FAM117B: variants seen among roughly 807,000 people sequenced by gnomAD.
FAM117B encodes family with sequence similarity 117 member B, also known as protein FAM117B.
In FAM117B, 22 loss-of-function variants were observed where a neutral mutation model predicts 52.8. The observed-to-expected ratio is 0.42, with a 90% CI of 0.30 to 0.59. The LOEUF (loss-of-function observed/expected upper bound fraction) is 0.59, where lower values mean the gene tolerates loss of function less well. Ranked by LOEUF, FAM117B falls within the 20% of genes least tolerant of loss-of-function variation. FAM117B has a pLI of 0.22. For synonymous variants in FAM117B, 309 were observed against 324.1 expected, an observed-to-expected ratio of 0.95 and a Z score of 0.50; for missense variants, 678 against 802.6, an observed-to-expected ratio of 0.84 and a Z score of 1.88.
intron 2 of FAM117B, among the ~76,000 whole-genome samples, chr2:202,718,590 G>T (rs1691098046): frequency 6.6e-6 from 1 of 152,114 alleles, no homozygotes; most frequent in African/African-American, 2.4e-5. Context: ...AAATTTTGTT[G>T]TTGGTTGGGT....
At chr2:202,660,240 T>C (rs1690109108) in intron 1 of FAM117B, among the ~76,000 whole-genome samples, 1 of 151,974 alleles carries the variant, frequency 6.6e-6, no homozygotes, top group Admixed American at 6.6e-5. Flanking sequence ...GTCTCCTGCT[T>C]GTTTGTACAT....
chr2:202,699,426 C>CAAAA (rs751190825), intron 2 of FAM117B, among the ~76,000 whole-genome samples: 118 of 17,482 alleles, frequency 6.7e-3, no homozygotes, highest in Non-Finnish European at 9.5e-3. Flanking sequence ...GACCCCATCT[C>CAAAA]AAAAAAAAAA....
intron 2 of FAM117B, among the ~76,000 whole-genome samples, chr2:202,717,983 C>T (rs1193410455): frequency 6.6e-6 from 1 of 151,900 alleles, no homozygotes; most frequent in Non-Finnish European, 1.5e-5. Flanking sequence ...GGTGAGCTGG[C>T]ACTCAGACCA....
At chr2:202,756,689 G>T (rs1052266682) in intron 5 of FAM117B, among the ~76,000 whole-genome samples, 1 of 151,764 alleles carries the variant, frequency 6.6e-6, no homozygotes, top group Non-Finnish European at 1.5e-5. Flanking sequence ...GCAGGGAGTT[G>T]GTTTCCTTGC....
At chr2:202,656,841 A>G (rs1663949281) in intron 1 of FAM117B, among the ~76,000 whole-genome samples, 1 of 152,108 alleles carries the variant, frequency 6.6e-6, no homozygotes, top group Non-Finnish European at 1.5e-5. Context: ...GTTGCTTCAT[A>G]TATTTTGAAG....
At chr2:202,705,971 C>A (rs1559106304) in intron 2 of FAM117B, among the ~76,000 whole-genome samples, 1 of 152,080 alleles carries the variant, frequency 6.6e-6, no homozygotes, top group Non-Finnish European at 1.5e-5. Flanking sequence ...CTTTTTGTGA[C>A]CCACGTGATT....
Position 202,733,265 on chromosome 2 carries a change from G to A in FAM117B, c.960+6902G>A, listed in dbSNP as rs145931543. The stretch of plus-strand genomic sequence containing the variant: ...CAAAGGGCAAAGCAAAGATCACAAG[G>A]CAAAGGGCAAACTTAGAATTACTGA... On this transcript the variant is annotated intron_variant, in intron 4 of 7. Transcript: ENST00000392238. Among the ~76,000 whole-genome samples the A allele has an allele frequency of 3.3e-3, 495 of 152,294 alleles. 2 individuals carry two copies. Among genetic ancestry groups the A allele is most frequent in the Non-Finnish European group, 5.0e-3 (343 of 68,020 alleles).
intron 1 of FAM117B, among the ~76,000 whole-genome samples, chr2:202,658,663 C>G (rs1214980998): frequency 1.3e-5 from 2 of 152,154 alleles, no homozygotes; most frequent in Non-Finnish European, 2.9e-5. Context: ...TATTGTTTTA[C>G]TCTTTTAGCT....
At chr2:202,740,930 C>G (rs1396264689) in intron 4 of FAM117B, among the ~76,000 whole-genome samples, 1 of 151,956 alleles carries the variant, frequency 6.6e-6, no homozygotes, top group Non-Finnish European at 1.5e-5. Flanking sequence ...ATAAGGAAAA[C>G]TTTCTTAATA....
intron 2 of FAM117B, among the ~76,000 whole-genome samples, chr2:202,714,539 T>TC (rs1453361108): frequency 1.7e-4 from 25 of 146,124 alleles, no homozygotes; most frequent in Non-Finnish European, 3.3e-4. Context: ...TTTTCTTTTT[T>TC]TTTTTTTTTT....
At chr2:202,763,548 A>T (rs1175855862) in intron 7 of FAM117B, among the ~76,000 whole-genome samples, 1 of 152,190 alleles carries the variant, frequency 6.6e-6, no homozygotes, top group East Asian at 1.9e-4. Flanking sequence ...GCATTATTTA[A>T]TTATGGAAAC....
intron 1 of FAM117B, among the ~76,000 whole-genome samples, chr2:202,667,282 A>G (rs1412912026): frequency 6.6e-6 from 1 of 151,288 alleles, no homozygotes; most frequent in Non-Finnish European, 1.5e-5. Flanking sequence ...CATATTTTTA[A>G]TAGAGACGGG....
At chr2:202,651,859 G>T (rs1446170832) in intron 1 of FAM117B, among the ~76,000 whole-genome samples, 1 of 151,722 alleles carries the variant, frequency 6.6e-6, no homozygotes, top group Non-Finnish European at 1.5e-5. Flanking sequence ...TTCGAGACCA[G>T]CCTGACCACC....
chr2:202,750,669 C>T (rs1474335487), intron 4 of FAM117B, among the ~76,000 whole-genome samples: 1 of 152,172 alleles, frequency 6.6e-6, no homozygotes, highest in Non-Finnish European at 1.5e-5. Flanking sequence ...GTTCTAGGCT[C>T]TGTGCTTGGC....
Position 202,635,699 on chromosome 2 carries a change from C to T in FAM117B, c.512C>T (p.Pro171Leu), listed in dbSNP as rs1247624110. 8 of 1,430,514 alleles carry T rather than the reference C, an allele frequency of 5.6e-6. No individual in the cohort carries two copies. The Admixed American group carries it at 1.3e-4, about 24-fold the overall frequency. 88.6% of individuals were successfully genotyped at this position (1,430,514 alleles called of 1,614,324 possible). Residue 171 changes from proline (P) to leucine (L), a missense_variant, in exon 1 of 8, where the codon CCA becomes CTA. Physicochemically the swap from Pro to Leu is moderately conservative, Grantham distance 98 (BLOSUM62 -3). Around this residue, in one of 3 missense-constraint regions of FAM117B, gnomAD observed 583 missense variants for 644.8 expected, o/e 0.90. Transcript: ENST00000392238. ...GGCGAGGTGAGCGCGGCCCCACCCC[C>T]AGCCCGCGTCCGGCATCGGAGGAGG... is the stretch of plus-strand genomic sequence containing the variant. ...WTGEVSAAPP[P>L]ARVRHRRRSP...
chr2:202,724,502 T>C (rs1401591621), intron 2 of FAM117B, among the ~76,000 whole-genome samples: 2 of 152,234 alleles, frequency 1.3e-5, no homozygotes, highest in African/African-American at 4.8e-5. Flanking sequence ...AGATAAAGCA[T>C]ATGAAAGCAC....
intron 3 of FAM117B, among the ~76,000 whole-genome samples, chr2:202,725,976 TC>T (rs1179230818): frequency 1.3e-5 from 2 of 152,220 alleles, no homozygotes; most frequent in Non-Finnish European, 2.9e-5. Flanking sequence ...TTTTAATTCT[TC>T]GTGAAAACTG....
intron 1 of FAM117B, among the ~76,000 whole-genome samples, chr2:202,682,277 G>C (rs1485346473): frequency 6.6e-6 from 1 of 152,188 alleles, no homozygotes; most frequent in Non-Finnish European, 1.5e-5. Context: ...ACCCTCCACT[G>C]AGCTGTTAAC....
At chr2:202,649,183 G>A (rs1414567798) in intron 1 of FAM117B, among the ~76,000 whole-genome samples, 10 of 152,078 alleles carry the variant, frequency 6.6e-5, no homozygotes, top group African/African-American at 9.7e-5. Flanking sequence ...ATCCTCCTTT[G>A]GATTATGTTT....
Sources: gnomAD v4.1 joint callset for allele counts (sites outside exome capture counted in the v4.1 genomes callset) on GRCh38, gnomAD v4.1.1 for gene constraint, gnomAD v4.1.1 regional missense constraint, MANE v1.5 for transcripts, NCBI Gene and HGNC (gene_info 2026-07-23, HGNC 2026-07-21) for gene names.